The following COX16 variants were observed in gnomAD, a reference collection of about 807,000 sequenced individuals.
COX16 encodes cytochrome c oxidase assembly protein COX16 homolog, mitochondrial.
Under a neutral mutation model 15.4 loss-of-function variants are expected in COX16, and 12 were observed. That is an observed-to-expected ratio of 0.78 (90% CI 0.50 to 1.26). The LOEUF is 1.26. COX16 is among the 50% of genes most tolerant of loss of function. The probability of loss-of-function intolerance (pLI) is 0.00; values close to 1 mark genes in which losing one functional copy is unlikely to be tolerated. For synonymous variants in COX16, 46 were observed against 41.1 expected (o/e 1.12, Z -0.46); for missense variants, 124 against 127.6 (o/e 0.97, Z 0.14).
At chr14:70,331,897 G>T (rs1390321392) in intron 2 of COX16, among the ~76,000 whole-genome samples, 1 of 152,212 alleles carries the variant, frequency 6.6e-6, no homozygotes, top group Non-Finnish European at 1.5e-5. Flanking sequence ...CCTATCCACA[G>T]TAAAAAGTCT....
intron 1 of COX16, among the ~76,000 whole-genome samples, chr14:70,344,518 G>T (rs1047949340): frequency 6.6e-6 from 1 of 152,208 alleles, no homozygotes; most frequent in East Asian, 1.9e-4. Flanking sequence ...TGCTACAAAA[G>T]TTAATGACCA....
chr14:70,342,013 TATTAA>T (rs778702280), intron 2 of COX16, among the ~76,000 whole-genome samples: 81 of 152,324 alleles, frequency 5.3e-4, no homozygotes, highest in African/African-American at 1.0e-3. Flanking sequence ...CTGATATTAA[TATTAA>T]ATTAAGAGAA....
intron 1 of COX16, among the ~76,000 whole-genome samples, chr14:70,351,530 TTTC>T (rs1260427552): frequency 1.1e-4 from 16 of 152,360 alleles, no homozygotes; most frequent in African/African-American, 3.8e-4. Flanking sequence ...ACTTCTTGAT[TTTC>T]TTCTTTACTT....
intron 1 of COX16, among the ~76,000 whole-genome samples, chr14:70,348,657 C>T (rs1886853968): frequency 6.6e-6 from 1 of 152,168 alleles, no homozygotes. Context: ...CAAGATCTCA[C>T]TCTAGTAACC....
chr14:70,357,535 A>G (rs1258185927), intron 1 of COX16, among the ~76,000 whole-genome samples: 1 of 152,224 alleles, frequency 6.6e-6, no homozygotes, highest in African/African-American at 2.4e-5. Flanking sequence ...GGTTTTAAAG[A>G]AACCTCTGTC....
chr14:70,353,373 T>C (rs559507232), intron 1 of COX16, among the ~76,000 whole-genome samples: 1 of 149,092 alleles, frequency 6.7e-6, no homozygotes, highest in Non-Finnish European at 1.5e-5. Flanking sequence ...ACCTTTCTTT[T>C]AATTTAATTT....
intron 3 of COX16, among the ~76,000 whole-genome samples, chr14:70,327,663 T>C (rs1052441336): frequency 3.9e-5 from 6 of 152,272 alleles, no homozygotes; most frequent in African/African-American, 1.4e-4. Context: ...TAAAAGATTT[T>C]AATAAAGAAT....
chr14:70,359,322 G>A, intron 1 of COX16, 197 bp downstream of exon 1: 1 of 659,546 alleles, frequency 1.5e-6, no homozygotes, highest in South Asian at 1.5e-5. Context: ...CCGGGAGTGG[G>A]GGACAGCGGC....
chr14:70,336,936 C>G (rs1355828413), intron 2 of COX16, among the ~76,000 whole-genome samples: 1 of 152,172 alleles, frequency 6.6e-6, no homozygotes, highest in African/African-American at 2.4e-5. Context: ...ACTGCAGTCT[C>G]TTGGAGTTTA....
intron 1 of COX16, among the ~76,000 whole-genome samples, chr14:70,355,969 C>T (rs1326676362): frequency 6.6e-6 from 1 of 152,146 alleles, no homozygotes; most frequent in Non-Finnish European, 1.5e-5. Flanking sequence ...GTGATCTCTG[C>T]ACATGCTGGC....
Position 70,326,453 on chromosome 14 carries a change from T to C in COX16, c.205-4A>G. On this transcript the variant is annotated splice_polypyrimidine_tract_variant and splice_region_variant and intron_variant, in intron 3 of 3. Coordinates refer to ENST00000389912, the MANE Select transcript of COX16 (RefSeq NM_016468.7). ...CAAACTTGGAGTCTTTGATTTTCTA[T>C]AGAACCACAAAAAATTAAAGTATAA... is the stretch of plus-strand genomic sequence containing the variant. The C allele has an allele frequency of 1.3e-6, 2 of 1,570,040 alleles. No homozygotes were observed. Among genetic ancestry groups the C allele is most frequent in the South Asian group, 1.2e-5 (1 of 82,782 alleles).
At chr14:70,333,067 T>C (rs1398793742) in intron 2 of COX16, among the ~76,000 whole-genome samples, 1 of 152,200 alleles carries the variant, frequency 6.6e-6, no homozygotes, top group Non-Finnish European at 1.5e-5. Context: ...CAACAGTCAG[T>C]GTGCTTAGAA....
chr14:70,325,870 A>G lies in COX16; in HGVS notation c.*463T>C, dbSNP rs930044928. 1 of 152,310 alleles carries G rather than the reference A, an allele frequency of 6.6e-6. No homozygotes were observed. The highest frequency in any genetic ancestry group is 2.4e-5 in the African/African-American group (1 of 41,462). The allele number at this position is 152,310 out of a possible 1,614,324, so 9.4% of individuals were successfully genotyped here. On this transcript the variant is annotated 3_prime_UTR_variant, in exon 4 of 4. Transcript: ENST00000389912. The stretch of plus-strand genomic sequence containing the variant: ...AAATCAAGACTCTTAGCAGACTGTG[A>G]TCATTTTTCTTTCCCTAATAGATAT...
intron 1 of COX16, among the ~76,000 whole-genome samples, chr14:70,343,033 G>A (rs1886669010): frequency 6.6e-6 from 1 of 151,686 alleles, no homozygotes; most frequent in Non-Finnish European, 1.5e-5. Flanking sequence ...ACCTATTTTT[G>A]TTTTTTGCTA....
chr14:70,332,494 G>T (rs1343069429), intron 2 of COX16, among the ~76,000 whole-genome samples: 1 of 152,098 alleles, frequency 6.6e-6, no homozygotes, highest in African/African-American at 2.4e-5. Context: ...CAGATCCCAG[G>T]GGGGCCCAGT....
chr14:70,341,158 T>C (rs889764164), intron 2 of COX16, among the ~76,000 whole-genome samples: 8 of 152,172 alleles, frequency 5.3e-5, no homozygotes, highest in Admixed American at 5.2e-4. Context: ...AATTCCTTGA[T>C]AAAATAATTG....
intron 2 of COX16, among the ~76,000 whole-genome samples, chr14:70,337,724 G>A (rs1886498491): frequency 6.6e-6 from 1 of 152,014 alleles, no homozygotes; most frequent in African/African-American, 2.4e-5. Context: ...TTAAAATATG[G>A]CATCATAGAA....
At chr14:70,347,296 T>C (rs1449857656) in intron 1 of COX16, among the ~76,000 whole-genome samples, 2 of 152,216 alleles carry the variant, frequency 1.3e-5, no homozygotes, top group South Asian at 2.1e-4. Context: ...TTAACCAAGC[T>C]GTACTCCCAG....
chr14:70,326,101 G>A lies in COX16; in HGVS notation c.*232C>T, dbSNP rs565707419. The A allele has an allele frequency of 5.1e-5, 13 of 256,152 alleles. No homozygotes were observed. The Admixed American group carries it at 6.9e-4, about 14-fold the overall frequency. 15.9% of individuals were successfully genotyped at this position (256,152 alleles called of 1,614,324 possible). A position where few individuals can be genotyped will look rare whatever the true frequency, so the allele number is the denominator to read the frequency against. On this transcript the variant is annotated 3_prime_UTR_variant, in exon 4 of 4. Coordinates refer to ENST00000389912, the MANE Select transcript of COX16 (RefSeq NM_016468.7). ...GCAGTATTCACATTTTTTATTTCGA[G>A]GTGTAAAATATACGTGGCCAACATT...
Sources: gnomAD v4.1 joint callset for allele counts (sites outside exome capture counted in the v4.1 genomes callset) on GRCh38, gnomAD v4.1.1 for gene constraint, MANE v1.5 for transcripts, NCBI Gene and HGNC (gene_info 2026-07-23, HGNC 2026-07-21) for gene names.